Variants in MTTP observed in about 807,000 individuals in gnomAD.
MTTP encodes the protein microsomal triglyceride transfer protein large subunit.
In MTTP, 49 loss-of-function variants were observed where a neutral mutation model predicts 90.6. The observed-to-expected ratio is 0.54, with a 90% CI of 0.43 to 0.69. MTTP has a LOEUF of 0.69. Ranked by LOEUF, MTTP falls within the 30% of genes least tolerant of loss-of-function variation. The pLI is 0.00. For synonymous variants in MTTP, 347 were observed against 384.2 expected, an observed-to-expected ratio of 0.90 and a Z score of 1.13; for missense variants, 945 against 1,067.5, an observed-to-expected ratio of 0.89 and a Z score of 1.60.
At chr4:99,592,130 A>G (rs922858250) in intron 6 of MTTP, among the ~76,000 whole-genome samples, 4 of 152,226 alleles carry the variant, frequency 2.6e-5, no homozygotes, top group African/African-American at 9.6e-5. Flanking sequence ...AGACATAGAA[A>G]AAGTCAGCAG....
At chr4:99,582,692 AAG>A (rs1238543864) in intron 2 of MTTP, among the ~76,000 whole-genome samples, 1 of 152,196 alleles carries the variant, frequency 6.6e-6, no homozygotes, top group Non-Finnish European at 1.5e-5. Context: ...CAAGAACCTA[AAG>A]ATAATAGATT....
chr4:99,579,487 C>T (rs1578232905), intron 1 of MTTP, among the ~76,000 whole-genome samples: 1 of 152,236 alleles, frequency 6.6e-6, no homozygotes, highest in African/African-American at 2.4e-5. Context: ...GAGGGGGATG[C>T]CCTTCCCACA....
At chr4:99,584,899 C>T (rs755937223) in intron 3 of MTTP, among the ~76,000 whole-genome samples, 2 of 152,136 alleles carry the variant, frequency 1.3e-5, no homozygotes, top group African/African-American at 4.8e-5. Context: ...ATGCCTTGCA[C>T]TGAATATTTT....
chr4:99,601,491 G>T (rs1381558298), intron 9 of MTTP, 116 bp from the exon 10 acceptor site: 11 of 805,182 alleles, frequency 1.4e-5, no homozygotes, highest in Non-Finnish European at 2.1e-5. Flanking sequence ...TTCTGAGTTT[G>T]CAATCTAGAA....
Position 99,568,357 on chromosome 4 carries a change from A to G in MTTP, c.-102+4120A>G, listed in dbSNP as rs113511288. 6.7e-3 allele frequency among the ~76,000 whole-genome samples: 1,020 copies of G among 152,302 alleles called. 7 individuals carry two copies. Among genetic ancestry groups the G allele is most frequent in the Middle Eastern group, 0.01 (3 of 294 alleles). The stretch of plus-strand genomic sequence containing the variant: ...ATGCAAAAGTCAATTGCCTTCCTAT[A>G]TAGCAGCAGTGCAGAACTGGAACTT... On this transcript the variant is annotated intron_variant, in intron 1 of 18. Transcript: ENST00000457717.
At chr4:99,590,752 A>C (rs1357069884) in intron 4 of MTTP, among the ~76,000 whole-genome samples, 1 of 152,126 alleles carries the variant, frequency 6.6e-6, no homozygotes, top group African/African-American at 2.4e-5. Context: ...GATGTAGCTA[A>C]TGATGATTTG....
At chr4:99,583,846 T>A in intron 3 of MTTP, 1 of 476,456 alleles carries the variant, frequency 2.1e-6, no homozygotes, top group Non-Finnish European at 3.7e-6. Context: ...ACAAAGCAAG[T>A]CATCAAAGCA....
Position 99,574,956 on chromosome 4 carries a change from C to T in MTTP, c.47C>T (p.Ser16Leu). The change falls in exon 1 of 18, where the codon TCA (serine) becomes TTA (leucine). Residue 16 changes from serine to leucine, a missense_variant. Transcript: ENST00000265517. ...VLFLCFISSY[S>L]ASVKGHTTGL... is the part of the protein sequence containing the mutation. ...TTTCTCTGCTTCATTTCCTCATATT[C>T]AGCTTCTGTTAAAGGTAAGTTTGTG... 6.2e-7 allele frequency: 1 copy of T among 1,614,110 alleles called. No individual in the cohort carries two copies. The highest frequency in any genetic ancestry group is 8.5e-7 in the Non-Finnish European group (1 of 1,180,016).
rs111611870 is a variant in MTTP, at chr4:99,612,366, C to CT, written c.1990-531dup. 9.7e-3 allele frequency among the ~76,000 whole-genome samples: 1,308 copies of CT among 134,804 alleles called. 13 individuals carry two copies. The highest frequency in any genetic ancestry group is 0.024 in the African/African-American group (892 of 36,820). 88.4% of individuals were successfully genotyped at this position (134,804 alleles called of 152,430 possible). A position where few individuals can be genotyped will look rare whatever the true frequency, so the allele number is the denominator to read the frequency against. The stretch of plus-strand genomic sequence containing the variant: ...TTAGCCCCCTCATGGTGTTTATCGA[C>CT]TTTTTTTTTTTTTTTTGGCTAGGGA... On this transcript the variant is annotated intron_variant, in intron 14 of 17. Transcript: ENST00000265517.
chr4:99,591,940 T>C, intron 6 of MTTP, 150 bp downstream of exon 6: 1 of 759,222 alleles, frequency 1.3e-6, no homozygotes. Flanking sequence ...GAGAAAAGCA[T>C]TGTTAGGCAA....
intron 10 of MTTP, among the ~76,000 whole-genome samples, chr4:99,602,244 T>A (rs1725717416): frequency 6.6e-6 from 1 of 152,142 alleles, no homozygotes. Context: ...ATTTTCAATT[T>A]CATTTGCCTA....
intron 10 of MTTP, among the ~76,000 whole-genome samples, chr4:99,602,457 C>T (rs1285577708): frequency 6.6e-6 from 1 of 151,986 alleles, no homozygotes; most frequent in Non-Finnish European, 1.5e-5. Context: ...ATTATACAGC[C>T]AGTGTCCCAT....
intron 8 of MTTP, among the ~76,000 whole-genome samples, chr4:99,600,267 T>G (rs941322633): frequency 6.6e-6 from 1 of 152,202 alleles, no homozygotes; most frequent in Non-Finnish European, 1.5e-5. Context: ...TGTATTTATA[T>G]AATTTTTACT....
upstream of MTTP, chr4:99,570,745 A>C (rs1724823057): frequency 2.2e-6 from 1 of 455,740 alleles, no homozygotes; most frequent in African/African-American, 2.0e-5. Flanking sequence ...GAAGAGGGAG[A>C]CAGAAGAGAT....
chr4:99,591,893 T>C (rs753366233), intron 6 of MTTP, 103 bp downstream of exon 6: 5 of 1,057,008 alleles, frequency 4.7e-6, no homozygotes, highest in Non-Finnish European at 5.6e-6. Context: ...TGTGTGCGCG[T>C]GTAGTCATGC....
chr4:99,579,216 T>C (rs1181991809), intron 1 of MTTP, among the ~76,000 whole-genome samples: 6 of 152,256 alleles, frequency 3.9e-5, no homozygotes, highest in African/African-American at 1.4e-4. Context: ...TCCCTTTTCT[T>C]TGAAGGTTCG....
rs1725125398 is a variant in MTTP at position 99,581,914 on chromosome 4, C to T, written c.71C>T (p.Thr24Ile). 1 of 1,614,000 alleles carries T rather than the reference C, an allele frequency of 6.2e-7. No homozygotes were observed. The highest frequency in any genetic ancestry group is 1.7e-5 in the Admixed American group (1 of 60,000). ...CATTATCTTTATGCAGGTCACACAA[C>T]TGGTCTCTCATTAAATAATGACCGG... ...SYSASVKGHTTGLSLNNDRLY... is the reference protein window; with the variant it reads ...SYSASVKGHTIGLSLNNDRLY... Residue 24 changes from threonine to isoleucine, a missense_variant, in exon 2 of 18, where the codon ACT becomes ATT. Physicochemically the swap from Thr to Ile is moderately conservative, Grantham distance 89 (BLOSUM62 -1). Coordinates refer to ENST00000265517, the MANE Select transcript of MTTP (RefSeq NM_001386140.1).
At chr4:99,610,778 A>G (rs566363874) in intron 12 of MTTP, among the ~76,000 whole-genome samples, 2 of 152,284 alleles carry the variant, frequency 1.3e-5, no homozygotes, top group African/African-American at 2.4e-5. Flanking sequence ...ATATTGTGCA[A>G]TCTCCCCAGT....
chr4:99,576,291 A>G (rs568599402), intron 1 of MTTP, among the ~76,000 whole-genome samples: 5 of 152,348 alleles, frequency 3.3e-5, no homozygotes, highest in Admixed American at 6.5e-5. Context: ...ACCTAATACC[A>G]TAAGTATTTT....
Sources: gnomAD v4.1 joint callset for allele counts (sites outside exome capture counted in the v4.1 genomes callset) on GRCh38, gnomAD v4.1.1 for gene constraint, MANE v1.5 for transcripts, NCBI Gene and HGNC (gene_info 2026-07-23, HGNC 2026-07-21) for gene names.